The following FOXK1 variants were observed in gnomAD, a reference collection of about 807,000 sequenced individuals.
FOXK1 encodes forkhead box protein K1.
Under a neutral mutation model 51.9 loss-of-function variants are expected in FOXK1, and 19 were observed. The ratio of observed to expected loss-of-function variants is 0.37; its 90% CI spans 0.26 to 0.54. FOXK1 has a LOEUF of 0.54. Among genes scored for constraint, FOXK1 ranks in the 20% least tolerant of loss-of-function variants. The pLI, the probability that FOXK1 is intolerant of heterozygous loss-of-function variation, is 0.87. For synonymous variants in FOXK1, 537 were observed against 482.6 expected (o/e 1.11, Z -1.48); for missense variants, 870 against 1,032.7 (o/e 0.84, Z 2.16).
Position 4,755,346 on chromosome 7 carries a change from A to C in FOXK1, c.1013A>C (p.His338Pro). 6.2e-7 allele frequency: 1 copy of C among 1,613,754 alleles called. No individual in the cohort carries two copies. Residue 338 changes from histidine to proline, a missense_variant, in exon 4 of 9, where the codon CAT (histidine) becomes CCT (proline). By Grantham distance (77) the His-to-Pro change is moderately conservative. This residue lies in a region of FOXK1 where 399 missense variants were observed against 475.6 expected (regional missense o/e 0.84). Transcript: ENST00000328914. The surrounding 1 kb of genome is among the most constrained non-coding windows in gnomAD (Gnocchi z 6.6). Reference sequence around the variant, plus strand: ...GGGATCTACGCCCACATCACCAAGCATTACCCCTACTACCGGACGGCCGAC... The same window carrying C: ...GGGATCTACGCCCACATCACCAAGCCTTACCCCTACTACCGGACGGCCGAC... ...LSGIYAHITK[H>P]YPYYRTADKG...
At position 4,766,568 on chromosome 7, in the gene FOXK1, G is replaced by A. The variant is rs1781013388; in HGVS notation, c.*4104G>A. On this transcript the variant is annotated 3_prime_UTR_variant, in exon 9 of 9. Transcript: ENST00000328914. This position sits in a 1 kb window ranked among gnomAD's most constrained non-coding sequence, Gnocchi z 5.5. ...GCTGGGAATGAATTTCTGAGTTGCT[G>A]AGTGTTCCCTGCTCCTAGGTACCAC... is the stretch of plus-strand genomic sequence containing the variant. 6.6e-6 allele frequency: 1 copy of A among 152,296 alleles called. No homozygotes were observed. The highest frequency in any genetic ancestry group is 6.5e-5 in the Admixed American group (1 of 15,280). The allele number at this position is 152,296 out of a possible 1,614,324, so 9.4% of individuals were successfully genotyped here. A position where few individuals can be genotyped will look rare whatever the true frequency, so the allele number is the denominator to read the frequency against.
rs537193213 is a variant in FOXK1, at chr7:4,747,396, A to T, written c.746+6373A>T. On this transcript the variant is annotated intron_variant, in intron 2 of 8. Coordinates refer to ENST00000328914, the MANE Select transcript of FOXK1 (RefSeq NM_001037165.2). The surrounding 1 kb of genome is among the most constrained non-coding windows in gnomAD (Gnocchi z 9.2). ...CAGCTCTGTGAGGTCTATGCCTAAC[A>T]TGAGAGCAGCTCCTGTTGAAGCCAC... 2.5e-4 allele frequency among the ~76,000 whole-genome samples: 38 copies of T among 152,344 alleles called. No homozygotes were observed. The highest frequency in any genetic ancestry group is 4.4e-4 in the Non-Finnish European group (30 of 68,014).
chr7:4,740,324 G>C (rs947928574), intron 1 of FOXK1, among the ~76,000 whole-genome samples: 9 of 152,064 alleles, frequency 5.9e-5, no homozygotes, highest in African/African-American at 1.9e-4. Flanking sequence ...CAGCTACTCG[G>C]GAGGCTGAGG....
At chr7:4,706,707 A>ATC (rs1314049943) in intron 1 of FOXK1, among the ~76,000 whole-genome samples, 1 of 152,272 alleles carries the variant, frequency 6.6e-6, no homozygotes, top group Non-Finnish European at 1.5e-5. Context: ...GGAGGTCTTC[A>ATC]TCATCCTCGT....
At chr7:4,746,771 G>A (rs1054414825) in intron 2 of FOXK1, among the ~76,000 whole-genome samples, 3 of 152,342 alleles carry the variant, frequency 2.0e-5, no homozygotes, top group East Asian at 3.9e-4. Context: ...ATTGTGGTGC[G>A]AATGTGTGAA....
At chr7:4,750,855 C>A (rs925464103) in intron 2 of FOXK1, among the ~76,000 whole-genome samples, 5 of 151,900 alleles carry the variant, frequency 3.3e-5, no homozygotes, top group African/African-American at 1.2e-4. Context: ...CAGGCATGCA[C>A]CACCACGTCT....
rs761395734 is a variant in FOXK1, at chr7:4,761,242, C to T, written c.1875C>T (p.Asn625=). Reference sequence around the variant, plus strand: ...TTCCAGTCCGGGCCGTGACCCAGAACGGAAAGCATGCGGTTCCCACGAACA... The same window carrying T: ...TTCCAGTCCGGGCCGTGACCCAGAATGGAAAGCATGCGGTTCCCACGAACA... The part of the protein sequence containing the change: ...HHLPVRAVTQ[N]GKHAVPTNSL... The change falls in exon 8 of 9, where the codon AAC becomes AAT. Residue 625 remains asparagine (N), a synonymous_variant. Coordinates refer to ENST00000328914, the MANE Select transcript of FOXK1 (RefSeq NM_001037165.2). The surrounding 1 kb of genome is among the most constrained non-coding windows in gnomAD (Gnocchi z 6.2). 12 of 1,613,132 alleles carry T rather than the reference C, an allele frequency of 7.4e-6. No homozygotes were observed. The East Asian group carries it at 1.6e-4, about 21-fold the overall frequency.
At position 4,758,953 on chromosome 7, in the gene FOXK1, G is replaced by T; in HGVS notation, c.1245-98G>T. 6 of 1,317,308 alleles carry T rather than the reference G, an allele frequency of 4.6e-6. No individual in the cohort carries two copies. The highest frequency in any genetic ancestry group is 6.2e-6 in the Non-Finnish European group (6 of 969,442). 81.6% of individuals were successfully genotyped at this position (1,317,308 alleles called of 1,614,324 possible). A position where few individuals can be genotyped will look rare whatever the true frequency, so the allele number is the denominator to read the frequency against. ...AGGACAGAGACGAGCTCCAGGGAGC[G>T]TGGGCGGGTGACGGCGCTGAGATGC... On this transcript the variant is annotated intron_variant, in intron 5 of 8. Transcript: ENST00000328914. This position sits in a 1 kb window ranked among gnomAD's most constrained non-coding sequence, Gnocchi z 4.4.
At chr7:4,719,208 C>A (rs1449413884) in intron 1 of FOXK1, among the ~76,000 whole-genome samples, 3 of 152,038 alleles carry the variant, frequency 2.0e-5, no homozygotes, top group African/African-American at 7.3e-5. Flanking sequence ...AATCATGGCT[C>A]ACTGCCGCCT....
In FOXK1 at chr7:4,761,586, AG is replaced by A. The variant is rs1376860592; in HGVS notation, c.1921+300del. ...CTACATAAGATTCAAAAACTTAGCC[AG>A]GTGTGGTGTTGCACGCTCATGGTCC... On this transcript the variant is annotated intron_variant, in intron 8 of 8. Transcript: ENST00000328914. This position sits in a 1 kb window ranked among gnomAD's most constrained non-coding sequence, Gnocchi z 6.2. Among the ~76,000 whole-genome samples, 1 of 152,104 alleles carries A rather than the reference AG, an allele frequency of 6.6e-6. No individual in the cohort carries two copies. Among genetic ancestry groups the A allele is most frequent in the Non-Finnish European group, 1.5e-5 (1 of 68,026 alleles).
chr7:4,705,525 C>CTT (rs1780073535), intron 1 of FOXK1, among the ~76,000 whole-genome samples: 2 of 132,268 alleles, frequency 1.5e-5, no homozygotes, highest in Non-Finnish European at 3.1e-5. Flanking sequence ...CTTTCTCTCT[C>CTT]TCTCTCTCTC....
rs1779768064 is a variant in FOXK1 at position 4,682,752 on chromosome 7, C to T, written c.444C>T (p.His148=). 2.5e-6 allele frequency: 4 copies of T among 1,600,762 alleles called. No homozygotes were observed. Among genetic ancestry groups the T allele is most frequent in the Non-Finnish European group, 3.4e-6 (4 of 1,177,766 alleles). Residue 148 remains histidine, a synonymous_variant, in exon 1 of 9, where the codon CAC becomes CAT. Coordinates refer to ENST00000328914, the MANE Select transcript of FOXK1 (RefSeq NM_001037165.2). The surrounding 1 kb of genome is among the most constrained non-coding windows in gnomAD (Gnocchi z 7.6). ...TGTCCAGCTTCATCTCGCGGCGCCA[C>T]CTGCAGCTCAGCTTCCAGGAGCCGC... ...MGLSSFISRR[H]LQLSFQEPHF...
chr7:4,744,293 G>C (rs930505914), intron 2 of FOXK1, among the ~76,000 whole-genome samples: 1 of 152,096 alleles, frequency 6.6e-6, no homozygotes, highest in Non-Finnish European at 1.5e-5. Context: ...GGGGGTACAC[G>C]TGCATATTTG....
intron 3 of FOXK1, 43 bp downstream of exon 3, chr7:4,754,658 A>T (rs1780819634): frequency 6.3e-7 from 1 of 1,584,306 alleles, no homozygotes; most frequent in Admixed American, 1.7e-5. Flanking sequence ...GTGACCCAGG[A>T]TCGGGCCATA....
intron 1 of FOXK1, among the ~76,000 whole-genome samples, chr7:4,686,593 G>A (rs529217309): frequency 3.3e-5 from 5 of 152,218 alleles, no homozygotes; most frequent in African/African-American, 1.2e-4. Flanking sequence ...GGAACTGCCC[G>A]GGTCTCCGTG....
Position 4,715,182 on chromosome 7 carries a change from C to CACGGTGGAACTGTGGCGATACGGGGT in FOXK1, c.561-25631_561-25630insTACGGTGGAACTGTGGCGATACGGGG, listed in dbSNP as rs373822009. On this transcript the variant is annotated intron_variant, in intron 1 of 8. Transcript: ENST00000328914. The surrounding 1 kb of genome is among the most constrained non-coding windows in gnomAD (Gnocchi z 4.5). ...ATGGTGGAACTGTGACGATACGGGG[C>CACGGTGGAACTGTGGCGATACGGGGT]ACGGTGGAACTGTGGCGATACGGGG... Among the ~76,000 whole-genome samples, 113 of 151,974 alleles carry CACGGTGGAACTGTGGCGATACGGGGT rather than the reference C, an allele frequency of 7.4e-4. No homozygotes were observed. The highest frequency in any genetic ancestry group is 2.7e-3 in the African/African-American group (110 of 41,422).
intron 1 of FOXK1, among the ~76,000 whole-genome samples, chr7:4,687,006 C>T (rs995830744): frequency 6.8e-4 from 103 of 151,270 alleles, no homozygotes; most frequent in African/African-American, 2.4e-3. Context: ...GAACTTGGCT[C>T]ACCGCAAGCT....
At position 4,711,182 on chromosome 7, in the gene FOXK1, C is replaced by T. The variant is rs1374058272; in HGVS notation, c.560+28314C>T. On this transcript the variant is annotated intron_variant, in intron 1 of 8. Coordinates refer to ENST00000328914, the MANE Select transcript of FOXK1 (RefSeq NM_001037165.2). The surrounding 1 kb of genome is among the most constrained non-coding windows in gnomAD (Gnocchi z 6.3). ...TCCGTTCCTGATGCCTTGCCCCGGG[C>T]AGCATGTGCCCAGCTCTGTTCAGGA... Among the ~76,000 whole-genome samples the T allele has an allele frequency of 1.3e-5, 2 of 152,188 alleles. No homozygotes were observed. Among genetic ancestry groups the T allele is most frequent in the African/African-American group, 4.8e-5 (2 of 41,438 alleles).
At chr7:4,687,265 A>G (rs968652301) in intron 1 of FOXK1, among the ~76,000 whole-genome samples, 3 of 149,030 alleles carry the variant, frequency 2.0e-5, no homozygotes, top group Admixed American at 6.7e-5. Context: ...AATGTATCCA[A>G]CTGAATTCTT....
Sources: allele counts gnomAD v4.1 joint callset (sites outside exome capture counted in the v4.1 genomes callset), GRCh38; gene constraint gnomAD v4.1.1; regional missense constraint gnomAD v4.1.1; non-coding constraint Gnocchi (gnomAD v3.1); transcripts MANE v1.5; gene names NCBI Gene and HGNC (gene_info 2026-07-23, HGNC 2026-07-21).